Variants in PHACTR2 observed in about 807,000 individuals in gnomAD.
PHACTR2 encodes the protein phosphatase and actin regulator 2.
Under a neutral mutation model 76.0 loss-of-function variants are expected in PHACTR2, and 30 were observed. The ratio of observed to expected loss-of-function variants is 0.39; its 90% CI spans 0.30 to 0.54. The LOEUF (loss-of-function observed/expected upper bound fraction) is 0.54. Ranked by LOEUF, PHACTR2 falls within the 20% of genes least tolerant of loss-of-function variation. The pLI is 0.61. For missense variants in PHACTR2, 696 were observed against 781.1 expected, an observed-to-expected ratio of 0.89 and a Z score of 1.30; for synonymous variants, 292 against 292.5, an observed-to-expected ratio of 1.00 and a Z score of 0.02.
intron 1 of PHACTR2, among the ~76,000 whole-genome samples, chr6:143,564,171 A>G (rs1296648579): frequency 1.5e-4 from 6 of 39,162 alleles, no homozygotes; most frequent in Admixed American, 2.5e-4. Flanking sequence ...GTGTGCATAT[A>G]TGTGTGTGTG....
intron 1 of PHACTR2, among the ~76,000 whole-genome samples, chr6:143,577,416 G>A (rs1775527315): frequency 6.6e-6 from 1 of 152,190 alleles, no homozygotes; most frequent in Admixed American, 6.5e-5. Context: ...AGTTAAAAAG[G>A]TCAGGAGAGG....
rs1778096812 is a variant in PHACTR2 at position 143,708,285 on chromosome 6, G to T, written c.47-3731G>T. 2.6e-5 allele frequency among the ~76,000 whole-genome samples: 4 copies of T among 152,298 alleles called. No individual in the cohort carries two copies. Among genetic ancestry groups the T allele is most frequent in the Admixed American group, 2.6e-4 (4 of 15,300 alleles). On this transcript the variant is annotated intron_variant, in intron 1 of 12. Transcript: ENST00000440869. This position sits in a 1 kb window ranked among gnomAD's most constrained non-coding sequence, Gnocchi z 5.5. ...GGGAAATTCTGTTAGGGGTGGGCTT[G>T]TTTCAGTGGGAAGATAGACTGAGCT... is the stretch of plus-strand genomic sequence containing the variant.
rs1253525457 is a variant in PHACTR2 at position 143,662,036 on chromosome 6, T to C, written c.14-49980T>C. Among the ~76,000 whole-genome samples, 1 of 152,226 alleles carries C rather than the reference T, an allele frequency of 6.6e-6. No individual in the cohort carries two copies. Among genetic ancestry groups the C allele is most frequent in the Non-Finnish European group, 1.5e-5 (1 of 68,044 alleles). ...CTTAATTGTGTGATTACATGATTTC[T>C]CCCTGAATAAATCTTGTTTTGATGA... is the stretch of plus-strand genomic sequence containing the variant. On this transcript the variant is annotated intron_variant, in intron 1 of 11. Coordinates refer to the PHACTR2 transcript ENST00000305766. This position sits in a 1 kb window ranked among gnomAD's most constrained non-coding sequence, Gnocchi z 4.7.
rs1379554168 is a variant in PHACTR2 at position 143,710,672 on chromosome 6, G to A, written c.47-1344G>A. 6.6e-6 allele frequency among the ~76,000 whole-genome samples: 1 copy of A among 152,214 alleles called. No homozygotes were observed. Among genetic ancestry groups the A allele is most frequent in the Non-Finnish European group, 1.5e-5 (1 of 68,038 alleles). ...AGATCGCGCCACTGCACTCCAGCCT[G>A]GGCGACAGAGCAAGACTCTATCTCA... On this transcript the variant is annotated intron_variant, in intron 1 of 12. Coordinates refer to ENST00000440869, the MANE Select transcript of PHACTR2 (RefSeq NM_001100164.2). The surrounding 1 kb of genome is among the most constrained non-coding windows in gnomAD (Gnocchi z 4.9).
At chr6:143,670,055 T>G (rs1582754062) in intron 1 of PHACTR2, among the ~76,000 whole-genome samples, 1 of 151,914 alleles carries the variant, frequency 6.6e-6, no homozygotes, top group Non-Finnish European at 1.5e-5. Flanking sequence ...GTAGTGATAT[T>G]TCTCAGCATT....
At chr6:143,545,452 A>C (rs1774968941) in intron 1 of PHACTR2, among the ~76,000 whole-genome samples, 1 of 152,214 alleles carries the variant, frequency 6.6e-6, no homozygotes, top group African/African-American at 2.4e-5. Flanking sequence ...TGGATGCAAG[A>C]GTGTAGGCAA....
At position 143,624,396 on chromosome 6, in the gene PHACTR2, C is replaced by A. The variant is rs1006369908; in HGVS notation, c.13+16074C>A. 6.6e-6 allele frequency among the ~76,000 whole-genome samples: 1 copy of A among 152,118 alleles called. No individual in the cohort carries two copies. The highest frequency in any genetic ancestry group is 1.5e-5 in the Non-Finnish European group (1 of 68,026). ...TGCTAGGATTACAGGCGTGAGCCAC[C>A]GTGCCTGGCCAAAATCTTGTTAATT... On this transcript the variant is annotated intron_variant, in intron 1 of 11. Coordinates refer to the PHACTR2 transcript ENST00000305766. The surrounding 1 kb of genome is among the most constrained non-coding windows in gnomAD (Gnocchi z 4.6).
intron 1 of PHACTR2, among the ~76,000 whole-genome samples, chr6:143,544,633 CA>C (rs1227454876): frequency 6.6e-6 from 1 of 152,182 alleles, no homozygotes; most frequent in Non-Finnish European, 1.5e-5. Flanking sequence ...CGCATGCTTC[CA>C]TTGTAAGGCT....
At chr6:143,773,218 A>G (rs897324809) in intron 7 of PHACTR2, among the ~76,000 whole-genome samples, 22 of 152,168 alleles carry the variant, frequency 1.4e-4, no homozygotes, top group African/African-American at 4.1e-4. Flanking sequence ...ATCTCAAAAA[A>G]TAATAATAAA....
rs566017418 is a variant in PHACTR2, at chr6:143,706,262, C to T, written c.47-5754C>T. 2.0e-5 allele frequency among the ~76,000 whole-genome samples: 3 copies of T among 152,206 alleles called. No individual in the cohort carries two copies. In the South Asian group the frequency reaches 6.2e-4, roughly 32 times the overall value. On this transcript the variant is annotated intron_variant, in intron 1 of 12. Coordinates refer to ENST00000440869, the MANE Select transcript of PHACTR2 (RefSeq NM_001100164.2). ...CTTTTCTGTAAGGAGGTGGTGCTTG[C>T]CTATTGGAGAATGCTATTAGAAACC...
At chr6:143,579,013 C>T (rs1160928763) in intron 1 of PHACTR2, among the ~76,000 whole-genome samples, 1 of 152,130 alleles carries the variant, frequency 6.6e-6, no homozygotes, top group Non-Finnish European at 1.5e-5. Flanking sequence ...AAGCCATCCT[C>T]CTGCCTCAGC....
At chr6:143,620,820 G>C (rs1464933650) in intron 1 of PHACTR2, among the ~76,000 whole-genome samples, 1 of 152,194 alleles carries the variant, frequency 6.6e-6, no homozygotes, top group African/African-American at 2.4e-5. Flanking sequence ...TGTTTTTAGG[G>C]AAATGTGGTT....
At position 143,783,353 on chromosome 6, in the gene PHACTR2, CTG is replaced by C. The variant is rs1479768217; in HGVS notation, c.1707+75_1707+76del. ...TTTTAAAAAAAAATACTAATCCTCT[CTG>C]TATGTGTAAATCAGATGTTTAGAAA... is the stretch of plus-strand genomic sequence containing the variant. On this transcript the variant is annotated intron_variant, in intron 10 of 12. Coordinates refer to ENST00000440869, the MANE Select transcript of PHACTR2 (RefSeq NM_001100164.2). This position sits in a 1 kb window ranked among gnomAD's most constrained non-coding sequence, Gnocchi z 5.2. The C allele has an allele frequency of 3.7e-6, 3 of 817,118 alleles. No individual in the cohort carries two copies. The highest frequency in any genetic ancestry group is 1.7e-5 in the African/African-American group (1 of 58,238). 50.6% of individuals were successfully genotyped at this position (817,118 alleles called of 1,614,324 possible). A position where few individuals can be genotyped will look rare whatever the true frequency, so the allele number is the denominator to read the frequency against.
intron 1 of PHACTR2, among the ~76,000 whole-genome samples, chr6:143,634,279 C>T (rs1207570419): frequency 6.6e-6 from 1 of 152,176 alleles, no homozygotes; most frequent in African/African-American, 2.4e-5. Flanking sequence ...AAAGTTACAT[C>T]TTAAGAATGT....
intron 2 of PHACTR2, among the ~76,000 whole-genome samples, chr6:143,723,139 A>T (rs1463206461): frequency 6.6e-6 from 1 of 152,142 alleles, no homozygotes; most frequent in African/African-American, 2.4e-5. Flanking sequence ...TAGGACTGTT[A>T]TGGTCCAGAA....
intron 2 of PHACTR2, among the ~76,000 whole-genome samples, chr6:143,741,113 T>G (rs1778932011): frequency 6.7e-6 from 1 of 149,722 alleles, no homozygotes; most frequent in Non-Finnish European, 1.5e-5. Flanking sequence ...CCGGGCATGG[T>G]GGCGCATGCC....
chr6:143,681,236 G>T (rs889858872), intron 1 of PHACTR2, among the ~76,000 whole-genome samples: 11 of 152,134 alleles, frequency 7.2e-5, no homozygotes, highest in African/African-American at 2.7e-4. Context: ...GTGTATGAAA[G>T]TTACAGTTTC....
At position 143,820,025 on chromosome 6, in the gene PHACTR2, G is replaced by A. The variant is rs191328704; in HGVS notation, c.1923-3649G>A. ...CAGGCACATCACATGGCAAGAATGG[G>A]AGAAAGAGTGGAGGAGAAGTGCCCC... On this transcript the variant is annotated intron_variant, in intron 12 of 12. Transcript: ENST00000440869. This position sits in a 1 kb window ranked among gnomAD's most constrained non-coding sequence, Gnocchi z 4.2. 1.4e-4 allele frequency among the ~76,000 whole-genome samples: 21 copies of A among 152,258 alleles called. No homozygotes were observed. The highest frequency in any genetic ancestry group is 1.3e-3 in the Admixed American group (20 of 15,290).
rs374498739 is a variant in PHACTR2 at position 143,765,614 on chromosome 6, C to G, written c.1048C>G (p.Pro350Ala). The change falls in exon 6 of 13, where the codon CCT (proline) becomes GCT (alanine). Residue 350 changes from proline (P) to alanine (A), a missense_variant. Physicochemically the swap from Pro to Ala is conservative, Grantham distance 27. This residue lies in a region of PHACTR2 where 460 missense variants were observed against 450.9 expected (regional missense o/e 1.02). Transcript: ENST00000440869. The surrounding 1 kb of genome is among the most constrained non-coding windows in gnomAD (Gnocchi z 4.1). ...VAPAPSPLAP[P>A]LPLEDQCITA... ...TCCAGCACCTTCTCCTCTGGCCCCC[C>G]CTCTCCCTCTTGAGGATCAGTGCAT... 6.6e-5 allele frequency: 107 copies of G among 1,614,024 alleles called. No individual in the cohort carries two copies. The highest frequency in any genetic ancestry group is 1.6e-4 in the Middle Eastern group (1 of 6,084).
Sources: gnomAD v4.1 joint callset for allele counts (sites outside exome capture counted in the v4.1 genomes callset) on GRCh38, gnomAD v4.1.1 for gene constraint, gnomAD v4.1.1 regional missense constraint, Gnocchi (gnomAD v3.1) non-coding constraint, MANE v1.5 for transcripts, NCBI Gene and HGNC (gene_info 2026-07-23, HGNC 2026-07-21) for gene names.